Variants in NRXN3 observed in about 807,000 individuals in gnomAD.
NRXN3 encodes the protein neurexin III.
Under a neutral mutation model 137.6 loss-of-function variants are expected in NRXN3, and 32 were observed. That is an observed-to-expected ratio of 0.23 (90% CI 0.18 to 0.31). The LOEUF is 0.31. Ranked by LOEUF, NRXN3 falls within the 10% of genes least tolerant of loss-of-function variation. The pLI is 1.00. For missense variants in NRXN3, 1,574 were observed against 2,062.5 expected (o/e 0.76, Z 4.59); for synonymous variants, 798 against 784.5 (o/e 1.02, Z -0.29).
intron 20 of NRXN3, among the ~76,000 whole-genome samples, chr14:79,855,097 T>C (rs1290527123): frequency 6.6e-6 from 1 of 152,144 alleles, no homozygotes; most frequent in Admixed American, 6.5e-5. Context: ...CTTTCAGGGA[T>C]CTTAAGATTC....
chr14:78,195,653 C>T (rs760611372), intron 1 of NRXN3, among the ~76,000 whole-genome samples: 12 of 152,074 alleles, frequency 7.9e-5, no homozygotes, highest in Non-Finnish European at 1.5e-4. Context: ...AGAGCAACTG[C>T]GGGCGTCTTG....
At chr14:78,220,933 G>A (rs2063790739) in intron 1 of NRXN3, among the ~76,000 whole-genome samples, 1 of 152,094 alleles carries the variant, frequency 6.6e-6, no homozygotes, top group African/African-American at 2.4e-5. Context: ...GGGGAAAAGG[G>A]TTTAGAAGAG....
chr14:79,240,219 C>T (rs2074053668), intron 15 of NRXN3, among the ~76,000 whole-genome samples: 2 of 152,002 alleles, frequency 1.3e-5, no homozygotes, highest in Non-Finnish European at 2.9e-5. Flanking sequence ...TTAAATTTTA[C>T]TTTCATAAGA....
intron 10 of NRXN3, among the ~76,000 whole-genome samples, chr14:78,870,976 G>C (rs893147109): frequency 1.3e-5 from 2 of 149,940 alleles, no homozygotes; most frequent in Non-Finnish European, 3.0e-5. Context: ...ATGGATTCTT[G>C]GGTTGATTTC....
intron 15 of NRXN3, among the ~76,000 whole-genome samples, chr14:79,256,970 A>G (rs2076664415): frequency 6.6e-6 from 1 of 152,074 alleles, no homozygotes; most frequent in African/African-American, 2.4e-5. Context: ...TATAAGGTTC[A>G]CTTCTTAGTT....
At chr14:79,037,154 C>G (rs2099617451) in intron 15 of NRXN3, among the ~76,000 whole-genome samples, 1 of 152,156 alleles carries the variant, frequency 6.6e-6, no homozygotes, top group Middle Eastern at 3.4e-3. Context: ...ATGTAAAACC[C>G]CCAGGAGATT....
intron 2 of NRXN3, among the ~76,000 whole-genome samples, chr14:78,252,531 A>G (rs1182340430): frequency 6.6e-6 from 1 of 152,108 alleles, no homozygotes; most frequent in Non-Finnish European, 1.5e-5. Flanking sequence ...AAGTTTCTCG[A>G]TGAGATGCTA....
chr14:78,949,682 C>T (rs1265649354), intron 10 of NRXN3, among the ~76,000 whole-genome samples: 2 of 151,904 alleles, frequency 1.3e-5, no homozygotes, highest in Non-Finnish European at 2.9e-5. Context: ...GCAGTAAACT[C>T]TCAGCTGGGA....
chr14:78,398,677 G>A (rs957950555), intron 4 of NRXN3, among the ~76,000 whole-genome samples: 1 of 152,194 alleles, frequency 6.6e-6, no homozygotes, highest in African/African-American at 2.4e-5. Flanking sequence ...GCCTCATTAT[G>A]TTGGGTGCTG....
At chr14:79,205,469 T>A (rs2153222492) in intron 15 of NRXN3, among the ~76,000 whole-genome samples, 1 of 152,330 alleles carries the variant, frequency 6.6e-6, no homozygotes, top group Non-Finnish European at 1.5e-5. Flanking sequence ...AAAAAGTTTG[T>A]TACTCAATCT....
intron 10 of NRXN3, among the ~76,000 whole-genome samples, chr14:78,892,193 T>A (rs1463407302): frequency 6.6e-6 from 1 of 151,976 alleles, no homozygotes; most frequent in Non-Finnish European, 1.5e-5. Flanking sequence ...ACGTTAAAAT[T>A]TCAGAACCAC....
intron 4 of NRXN3, among the ~76,000 whole-genome samples, chr14:78,552,006 C>T (rs1299513281): frequency 6.6e-6 from 1 of 152,138 alleles, no homozygotes; most frequent in Non-Finnish European, 1.5e-5. Context: ...ATTTGAAAGC[C>T]AGGCCCTGCC....
intron 1 of NRXN3, among the ~76,000 whole-genome samples, chr14:78,206,561 G>A (rs954105054): frequency 2.0e-5 from 3 of 152,160 alleles, no homozygotes; most frequent in Non-Finnish European, 4.4e-5. Context: ...GGAAAAAAAA[G>A]AGTGAAAGGC....
At chr14:78,524,770 T>C (rs2096351700) in intron 4 of NRXN3, among the ~76,000 whole-genome samples, 2 of 152,182 alleles carry the variant, frequency 1.3e-5, no homozygotes, top group South Asian at 4.1e-4. Flanking sequence ...TAAGCTCCCT[T>C]TTCAAAATAC....
chr14:78,501,025 T>G (rs2095868599), intron 4 of NRXN3, among the ~76,000 whole-genome samples: 1 of 152,196 alleles, frequency 6.6e-6, no homozygotes, highest in Non-Finnish European at 1.5e-5. Flanking sequence ...CAAGCCTTTC[T>G]TATTGCCCCA....
At chr14:79,740,708 TTTTTTATATATATATATATATA>T (rs1443511993) in intron 19 of NRXN3, among the ~76,000 whole-genome samples, 15 of 35,168 alleles carry the variant, frequency 4.3e-4, no homozygotes, top group African/African-American at 1.8e-3. Context: ...TTGCATTTAG[TTTTTTATATATATATATATATA>T]TATATATATA....
At chr14:78,661,044 G>A (rs73328013) in intron 6 of NRXN3, among the ~76,000 whole-genome samples, 6,072 of 152,262 alleles carry the variant, frequency 0.04, 392 homozygotes, top group African/African-American at 0.14. Context: ...CCTAGTTGGT[G>A]GTTTTTGAGG....
At chr14:78,471,941 T>G (rs906369927) in intron 4 of NRXN3, among the ~76,000 whole-genome samples, 1 of 152,178 alleles carries the variant, frequency 6.6e-6, no homozygotes, top group Non-Finnish European at 1.5e-5. Flanking sequence ...CAAACCTACC[T>G]TTCTGATTTT....
At chr14:78,556,558 A>G (rs2096738538) in intron 4 of NRXN3, among the ~76,000 whole-genome samples, 1 of 152,224 alleles carries the variant, frequency 6.6e-6, no homozygotes, top group African/African-American at 2.4e-5. Context: ...TATGCTAAAG[A>G]TTTACTAAAA....
Sources: gnomAD v4.1 joint callset for allele counts (sites outside exome capture counted in the v4.1 genomes callset) on GRCh38, gnomAD v4.1.1 for gene constraint, MANE v1.5 for transcripts, NCBI Gene and HGNC (gene_info 2026-07-23, HGNC 2026-07-21) for gene names.